EOGT: variants seen among roughly 807,000 people sequenced by gnomAD.
The protein encoded by EOGT is EGF domain-specific O-linked N-acetylglucosamine transferase.
A neutral mutation model predicts 70.5 loss-of-function variants in EOGT; 55 were observed. That is an observed-to-expected ratio of 0.78 (90% CI 0.63 to 0.98). The LOEUF (loss-of-function observed/expected upper bound fraction) is 0.98. EOGT is among the 50% of genes least tolerant of loss of function. EOGT has a pLI of 0.00. For synonymous variants in EOGT, 246 were observed against 217.1 expected (o/e 1.13, Z -1.17); for missense variants, 703 against 641.9 (o/e 1.10, Z -1.03).
chr3:69,012,145 C>G (rs1008600653), intron 2 of EOGT, among the ~76,000 whole-genome samples, 154 bp from the exon 3 acceptor site: 4 of 152,062 alleles, frequency 2.6e-5, no homozygotes, highest in African/African-American at 9.7e-5. Flanking sequence ...CTTTCTTTTC[C>G]TTAATGAATA....
rs1050833642 is a variant in EOGT, at chr3:68,978,338, C to T, written c.1432G>A (p.Asp478Asn). ...WRRQNKVFPQDKGHHPTLGEH... is the reference protein window; with the variant it reads ...WRRQNKVFPQNKGHHPTLGEH... ...GTTTTGTGATTGAACTTTACCTTAT[C>T]CTGAGGAAAGACTTTGTTCTGCCGT... The change falls in exon 17 of 18, where the codon GAT becomes AAT. Residue 478 changes from aspartate (D) to asparagine (N), a missense_variant. Asp to Asn is a conservative substitution (Grantham distance 23). Transcript: ENST00000383701. The T allele has an allele frequency of 2.0e-5, 32 of 1,610,804 alleles. No individual in the cohort carries two copies. Among genetic ancestry groups the T allele is most frequent in the Non-Finnish European group, 2.4e-5 (28 of 1,178,598 alleles).
At chr3:69,012,300 C>T (rs2091595992) in intron 2 of EOGT, 1 of 152,260 alleles carries the variant, frequency 6.6e-6, no homozygotes, top group Non-Finnish European at 1.5e-5. Context: ...ATCAAACATT[C>T]CCAGAAGCAA....
At chr3:68,999,708 C>T (rs1320146820) in intron 9 of EOGT, among the ~76,000 whole-genome samples, 1 of 152,198 alleles carries the variant, frequency 6.6e-6, no homozygotes, top group African/African-American at 2.4e-5. Context: ...AATCTATCCT[C>T]TTTTCCCAGG....
chr3:68,997,971 G>T, intron 10 of EOGT, 40 bp downstream of exon 10: 1 of 1,170,720 alleles, frequency 8.5e-7, no homozygotes, highest in Non-Finnish European at 1.2e-6. Context: ...CTGATACAAG[G>T]GAAAGACAGT....
At chr3:68,978,285 T>C in intron 17 of EOGT, 48 bp downstream of exon 17, 1 of 1,380,230 alleles carries the variant, frequency 7.2e-7, no homozygotes, top group African/African-American at 1.4e-5. Context: ...TTGGATACTT[T>C]AAACCAATTA....
At position 68,977,565 on chromosome 3, in the gene EOGT, T is replaced by C; in HGVS notation, c.*53A>G. 1 of 1,573,612 alleles carries C rather than the reference T, an allele frequency of 6.4e-7. No homozygotes were observed. The highest frequency in any genetic ancestry group is 2.2e-5 in the East Asian group (1 of 44,464). On this transcript the variant is annotated 3_prime_UTR_variant, in exon 18 of 18. Coordinates refer to ENST00000383701, the MANE Select transcript of EOGT (RefSeq NM_001278689.2). ...ATTGCTTTACTGATTTAATTCTAAG[T>C]CTGGGTGTTGGAGTGTTTAAACACT...
chr3:69,009,092 C>T (rs2091505440), intron 4 of EOGT, among the ~76,000 whole-genome samples: 1 of 152,232 alleles, frequency 6.6e-6, no homozygotes, highest in Non-Finnish European at 1.5e-5. Context: ...TTTCCATATG[C>T]TTCCTGTGCC....
intron 2 of EOGT, 41 bp from the exon 3 acceptor site, chr3:69,012,032 G>A (rs1029857518): frequency 1.3e-5 from 2 of 152,142 alleles, no homozygotes; most frequent in Non-Finnish European, 2.9e-5. Context: ...GGATGCTAAA[G>A]TAAACCTGAT....
At chr3:68,989,748 C>CAAAAAAAAA (rs56000169) in intron 10 of EOGT, among the ~76,000 whole-genome samples, 1 of 93,236 alleles carries the variant, frequency 1.1e-5, no homozygotes, top group African/African-American at 4.3e-5. Context: ...AACTCCATCT[C>CAAAAAAAAA]AAAAAAAAAA....
chr3:68,983,334 G>A (rs950539365), intron 14 of EOGT, among the ~76,000 whole-genome samples: 3 of 152,176 alleles, frequency 2.0e-5, no homozygotes, highest in Non-Finnish European at 4.4e-5. Context: ...CAACACTAGC[G>A]CTTTGAACCT....
Position 68,988,302 on chromosome 3 carries a change from C to T in EOGT, c.1076G>A (p.Gly359Glu). The T allele has an allele frequency of 6.5e-7, 1 of 1,535,256 alleles. No individual in the cohort carries two copies. The highest frequency in any genetic ancestry group is 8.7e-7 in the Non-Finnish European group (1 of 1,146,170). Residue 359 changes from glycine (G) to glutamate (E), a missense_variant, in exon 13 of 18, where the codon GGA (glycine) becomes GAA (glutamate). Gly to Glu is a moderately conservative substitution (Grantham distance 98). Coordinates refer to ENST00000383701, the MANE Select transcript of EOGT (RefSeq NM_001278689.2). ...CCGCAGTGTATCCATTACCTTAGGT[C>T]CTTCTTGTGTGATGTTTAGTCTGTG... is the stretch of plus-strand genomic sequence containing the variant. ...VLHRLNITQE[G>E]PKDGKIRVTI...
intron 10 of EOGT, among the ~76,000 whole-genome samples, chr3:68,992,451 C>T (rs1384325938): frequency 6.6e-6 from 1 of 152,222 alleles, no homozygotes; most frequent in Non-Finnish European, 1.5e-5. Context: ...GTCTCACATC[C>T]AGGTTACACT....
chr3:68,991,248 T>C (rs190029700), intron 10 of EOGT, among the ~76,000 whole-genome samples: 1 of 152,234 alleles, frequency 6.6e-6, no homozygotes, highest in Non-Finnish European at 1.5e-5. Context: ...ATACTCATGT[T>C]GAAGAATATT....
At position 68,976,850 on chromosome 3, in the gene EOGT, C is replaced by G. The variant is rs2090484964; in HGVS notation, c.*768G>C. ...ATTCTAAAGCTGAAAAAGTTGAAAA[C>G]TTTGGTATTCCTAAAAAGAGAAAGT... On this transcript the variant is annotated 3_prime_UTR_variant, in exon 18 of 18. Coordinates refer to ENST00000383701, the MANE Select transcript of EOGT (RefSeq NM_001278689.2). 1.3e-5 allele frequency: 2 copies of G among 152,572 alleles called. No homozygotes were observed. Among genetic ancestry groups the G allele is most frequent in the Admixed American group, 1.3e-4 (2 of 15,274 alleles). The allele number at this position is 152,572 out of a possible 1,614,324, so 9.5% of individuals were successfully genotyped here. A position where few individuals can be genotyped will look rare whatever the true frequency, so the allele number is the denominator to read the frequency against.
chr3:69,003,614 T>C (rs956467904), intron 8 of EOGT, among the ~76,000 whole-genome samples: 5 of 152,156 alleles, frequency 3.3e-5, no homozygotes, highest in Non-Finnish European at 7.3e-5. Flanking sequence ...TTGGGTATAA[T>C]ACATACTATT....
chr3:68,993,075 C>CT (rs577727013), intron 10 of EOGT, among the ~76,000 whole-genome samples: 528 of 152,354 alleles, frequency 3.5e-3, no homozygotes, highest in Non-Finnish European at 6.0e-3. Flanking sequence ...ATGAAGGTTT[C>CT]TGACATGCCT....
At chr3:68,996,213 C>T (rs1385277666) in intron 10 of EOGT, among the ~76,000 whole-genome samples, 2 of 152,162 alleles carry the variant, frequency 1.3e-5, no homozygotes, top group African/African-American at 2.4e-5. Flanking sequence ...AGCATTAACA[C>T]GCCAAGAATT....
At chr3:69,001,574 A>G in intron 9 of EOGT, 34 bp downstream of exon 9, 1 of 1,388,940 alleles carries the variant, frequency 7.2e-7, no homozygotes, top group Non-Finnish European at 1.0e-6. Flanking sequence ...TCTCATTAAC[A>G]AATACACAAA....
chr3:69,009,375 T>C (rs901817464), intron 4 of EOGT, among the ~76,000 whole-genome samples: 32 of 152,234 alleles, frequency 2.1e-4, no homozygotes, highest in African/African-American at 7.0e-4. Context: ...TAAAATCTAA[T>C]TGCTTCTTTA....
Sources: gnomAD v4.1 joint callset for allele counts (sites outside exome capture counted in the v4.1 genomes callset) on GRCh38, gnomAD v4.1.1 for gene constraint, MANE v1.5 for transcripts, NCBI Gene and HGNC (gene_info 2026-07-23, HGNC 2026-07-21) for gene names.